Variants in WWC2 observed in about 807,000 individuals in gnomAD.
WWC2 encodes the protein protein WWC2.
A neutral mutation model predicts 138.5 loss-of-function variants in WWC2; 101 were observed. The observed-to-expected ratio is 0.73, with a 90% CI of 0.62 to 0.86. The LOEUF (loss-of-function observed/expected upper bound fraction) is 0.86, where lower values mean the gene tolerates loss of function less well. WWC2 is among the 40% of genes least tolerant of loss of function. The pLI is 0.00. For missense variants in WWC2, 1,420 were observed against 1,419.4 expected (o/e 1.00, Z -0.01); for synonymous variants, 558 against 538.4 (o/e 1.04, Z -0.50).
At chr4:183,186,093 G>A (rs982727522) in intron 1 of WWC2, among the ~76,000 whole-genome samples, 1 of 151,580 alleles carries the variant, frequency 6.6e-6, no homozygotes, top group African/African-American at 2.4e-5. Flanking sequence ...GACTACGAGC[G>A]CCCCCCACCA....
chr4:183,190,064 A>G (rs1174511904), intron 1 of WWC2, among the ~76,000 whole-genome samples: 1 of 152,242 alleles, frequency 6.6e-6, no homozygotes, highest in Non-Finnish European at 1.5e-5. Flanking sequence ...TCTTCATAAT[A>G]TGAAATTCCT....
intron 16 of WWC2, among the ~76,000 whole-genome samples, chr4:183,277,263 G>C (rs1456324776): frequency 5.3e-5 from 8 of 151,094 alleles, no homozygotes; most frequent in Non-Finnish European, 1.2e-4. Context: ...AGTTTACTGA[G>C]AATGATGATT....
chr4:183,289,500 CAAT>C lies in WWC2; in HGVS notation c.3250_3252del (p.Asn1084del), dbSNP rs1193042903. ...CATCTCTGACCCGGCAGAGCCGCCTCAATGATGAGCTGCAGGCGCTGAGGGACT... is the reference window on the plus strand; with the variant it reads ...CATCTCTGACCCGGCAGAGCCGCCTCGATGAGCTGCAGGCGCTGAGGGACT... On this transcript the variant is annotated inframe_deletion, in exon 21 of 23. Coordinates refer to ENST00000403733, the MANE Select transcript of WWC2 (RefSeq NM_024949.6). 1.2e-6 allele frequency: 2 copies of C among 1,613,886 alleles called. No individual in the cohort carries two copies. Among genetic ancestry groups the C allele is most frequent in the East Asian group, 4.5e-5 (2 of 44,856 alleles).
chr4:183,122,147 G>A (rs1732624311), intron 1 of WWC2, among the ~76,000 whole-genome samples: 1 of 152,088 alleles, frequency 6.6e-6, no homozygotes, highest in Non-Finnish European at 1.5e-5. Context: ...TTATTGGAAA[G>A]TTGCTATTTT....
At chr4:183,270,349 T>C (rs559920405) in intron 15 of WWC2, among the ~76,000 whole-genome samples, 107 of 152,352 alleles carry the variant, frequency 7.0e-4, no homozygotes, top group Non-Finnish European at 1.2e-3. Flanking sequence ...TACTAACTTA[T>C]GTATCTAAAG....
In WWC2 at chr4:183,258,469, C is replaced by T. The variant is rs541475724; in HGVS notation, c.1197-1170C>T. Among the ~76,000 whole-genome samples the T allele has an allele frequency of 2.6e-5, 4 of 152,240 alleles. No homozygotes were observed. The South Asian group carries it at 6.2e-4, about 24-fold the overall frequency. On this transcript the variant is annotated intron_variant, in intron 9 of 22. Coordinates refer to ENST00000403733, the MANE Select transcript of WWC2 (RefSeq NM_024949.6). ...AATAAAATATGGGCATGTTTCCTTA[C>T]TGCCAAAAACATATATAACATTTCA...
chr4:183,127,000 G>A (rs1378218023), intron 1 of WWC2, among the ~76,000 whole-genome samples: 4 of 150,980 alleles, frequency 2.6e-5, no homozygotes, highest in East Asian at 1.9e-4. Context: ...GCCTCCCAAA[G>A]TGCTGGGATT....
chr4:183,268,887 CTT>C (rs1215383757), intron 14 of WWC2, 82 bp from the exon 15 acceptor site: 1 of 1,356,662 alleles, frequency 7.4e-7, no homozygotes, highest in African/African-American at 1.5e-5. Flanking sequence ...CATTTTCTCT[CTT>C]TGCAGATAAT....
intron 1 of WWC2, among the ~76,000 whole-genome samples, chr4:183,124,205 T>C (rs1732689163): frequency 6.6e-6 from 1 of 152,216 alleles, no homozygotes; most frequent in Admixed American, 6.5e-5. Flanking sequence ...TTTTCTTGTC[T>C]TCAGGGGTCA....
chr4:183,312,194 G>C, intron 21 of WWC2, 147 bp from the exon 22 acceptor site: 1 of 997,764 alleles, frequency 1.0e-6, no homozygotes, highest in Non-Finnish European at 1.5e-6. Flanking sequence ...GTTGGCTCCT[G>C]ATGGGTGATA....
intron 1 of WWC2, among the ~76,000 whole-genome samples, chr4:183,174,485 A>G (rs1387330848): frequency 6.6e-6 from 1 of 152,012 alleles, no homozygotes; most frequent in African/African-American, 2.4e-5. Context: ...CACCGTCCCA[A>G]ATTTTGTTGT....
chr4:183,282,901 A>G lies in WWC2; in HGVS notation c.2878A>G (p.Thr960Ala), dbSNP rs1013491013. 3.8e-6 allele frequency: 6 copies of G among 1,577,344 alleles called. No individual in the cohort carries two copies. Among genetic ancestry groups the G allele is most frequent in the Non-Finnish European group, 5.2e-6 (6 of 1,161,062 alleles). ...AAGTCAGCCACCTACTAGAATACCAACACTGGTGACTATTCCGCTGTGCTG... is the reference window on the plus strand; with the variant it reads ...AAGTCAGCCACCTACTAGAATACCAGCACTGGTGACTATTCCGCTGTGCTG... ...LRSQPPTRIP[T>A]LVDKETNTDE... Residue 960 changes from threonine (T) to alanine (A), a missense_variant, in exon 18 of 23, where the codon ACA becomes GCA. Physicochemically the swap from Thr to Ala is moderately conservative, Grantham distance 58. Coordinates refer to ENST00000403733, the MANE Select transcript of WWC2 (RefSeq NM_024949.6).
At position 183,124,536 on chromosome 4, in the gene WWC2, C is replaced by CTTTTTTTTTTTT. The variant is rs370409813; in HGVS notation, c.131+24919_131+24930dup. Among the ~76,000 whole-genome samples, 119 of 122,750 alleles carry CTTTTTTTTTTTT rather than the reference C, an allele frequency of 9.7e-4. 1 individual carries two copies. Among genetic ancestry groups the CTTTTTTTTTTTT allele is most frequent in the African/African-American group, 3.6e-3 (117 of 32,134 alleles). The allele number at this position is 122,750 out of a possible 152,430, so 80.5% of individuals were successfully genotyped here. Reference sequence around the variant, plus strand: ...TGCTTTTTCTTTTTTTCCTTTTTCTCTTTTTTTTTTTTTTTTGCTGGGATT... The same window carrying CTTTTTTTTTTTT: ...TGCTTTTTCTTTTTTTCCTTTTTCTCTTTTTTTTTTTTTTTTTTTTTTTTTTTTGCTGGGATT... On this transcript the variant is annotated intron_variant, in intron 1 of 22. Transcript: ENST00000403733.
intron 1 of WWC2, among the ~76,000 whole-genome samples, chr4:183,109,886 A>AT (rs1306004006): frequency 5.3e-5 from 8 of 152,146 alleles, no homozygotes; most frequent in Non-Finnish European, 1.0e-4. Context: ...GAAATGCAGC[A>AT]TGTTACTTAG....
At chr4:183,277,892 A>G (rs1471782765) in intron 16 of WWC2, among the ~76,000 whole-genome samples, 1 of 150,782 alleles carries the variant, frequency 6.6e-6, no homozygotes, top group East Asian at 1.9e-4. Flanking sequence ...TTGTCAGATG[A>G]GTAGGTTGCA....
chr4:183,239,000 G>A (rs1736519577), intron 4 of WWC2, among the ~76,000 whole-genome samples: 1 of 152,114 alleles, frequency 6.6e-6, no homozygotes, highest in Non-Finnish European at 1.5e-5. Context: ...CTAAAATATT[G>A]CGCAACAGAA....
intron 21 of WWC2, among the ~76,000 whole-genome samples, chr4:183,291,044 T>C (rs1443402849): frequency 1.3e-5 from 2 of 152,268 alleles, no homozygotes; most frequent in Non-Finnish European, 2.9e-5. Flanking sequence ...ACCTTCACGT[T>C]CAGTAGGACC....
chr4:183,267,603 A>G (rs1737546627), intron 14 of WWC2, among the ~76,000 whole-genome samples: 1 of 152,206 alleles, frequency 6.6e-6, no homozygotes, highest in Non-Finnish European at 1.5e-5. Context: ...TGCACCTGCA[A>G]TATGCTCTAC....
intron 1 of WWC2, among the ~76,000 whole-genome samples, chr4:183,120,138 A>G (rs1358431168): frequency 6.6e-6 from 1 of 152,230 alleles, no homozygotes; most frequent in Non-Finnish European, 1.5e-5. Flanking sequence ...AATTTAGGAA[A>G]GCTGGTATCC....
Sources: allele counts gnomAD v4.1 joint callset (sites outside exome capture counted in the v4.1 genomes callset), GRCh38; gene constraint gnomAD v4.1.1; transcripts MANE v1.5; gene names NCBI Gene and HGNC (gene_info 2026-07-23, HGNC 2026-07-21).